Variants in BBOF1 observed in about 807,000 individuals in gnomAD.
The protein encoded by BBOF1 is basal body-orientation factor 1.
BBOF1 carries 62 observed loss-of-function variants against 68.0 expected under a neutral mutation model. The observed-to-expected ratio is 0.91, with a 90% CI of 0.74 to 1.13. The LOEUF (loss-of-function observed/expected upper bound fraction) is 1.13. BBOF1 is among the 50% of genes most tolerant of loss of function. The pLI is 0.00. For synonymous variants in BBOF1, 208 were observed against 198.8 expected (o/e 1.05, Z -0.39); for missense variants, 534 against 600.1 (o/e 0.89, Z 1.15).
chr14:74,072,091 C>T, intron 9 of BBOF1: 3 of 1,573,718 alleles, frequency 1.9e-6, no homozygotes, highest in Non-Finnish European at 2.6e-6. Flanking sequence ...GAGTCATGAT[C>T]AACGTCTCTG....
intron 5 of BBOF1, among the ~76,000 whole-genome samples, chr14:74,042,986 G>A (rs1324337814): frequency 6.6e-6 from 1 of 152,052 alleles, no homozygotes; most frequent in African/African-American, 2.4e-5. Context: ...GGGAATGAAT[G>A]TTGGTTTGGA....
chr14:74,020,596 T>C (rs1005396364), intron 1 of BBOF1, among the ~76,000 whole-genome samples: 6 of 152,106 alleles, frequency 3.9e-5, no homozygotes, highest in Admixed American at 1.3e-4. Flanking sequence ...CTCTGCCTTC[T>C]GGGTTCAACC....
In BBOF1 at chr14:74,050,208, C is replaced by T; in HGVS notation, c.1286+13C>T. The T allele has an allele frequency of 1.3e-6, 2 of 1,513,942 alleles. No homozygotes were observed. Among genetic ancestry groups the T allele is most frequent in the Non-Finnish European group, 8.8e-7 (1 of 1,133,118 alleles). 93.8% of individuals were successfully genotyped at this position (1,513,942 alleles called of 1,614,324 possible). On this transcript the variant is annotated intron_variant, in intron 8 of 11. Transcript: ENST00000394009. ...AGGCCGAAAAATGGTACTAGCAATA[C>T]TTTATTATTATCTTTTTGCTGCTAT...
intron 9 of BBOF1, chr14:74,071,420 G>T: frequency 1.2e-6 from 2 of 1,614,152 alleles, no homozygotes; most frequent in East Asian, 2.2e-5. Flanking sequence ...TAGGAATAAA[G>T]GTCCATGTCT....
downstream of BBOF1, among the ~76,000 whole-genome samples, chr14:74,069,424 T>G (rs1245358770): frequency 3.3e-5 from 5 of 151,950 alleles, no homozygotes; most frequent in Non-Finnish European, 5.9e-5. Context: ...TACTGGATTC[T>G]CATTGTGAAG....
rs552526852 is a variant in BBOF1, at chr14:74,024,351, G to A, written c.285+1207G>A. On this transcript the variant is annotated intron_variant, in intron 2 of 11. Transcript: ENST00000394009. ...TGCACCTGTAGTCCCAGCTACTCGG[G>A]AGGCTAAGGCGGGAGGATCACTTAA... Among the ~76,000 whole-genome samples, 76 of 152,256 alleles carry A rather than the reference G, an allele frequency of 5.0e-4. 1 individual carries two copies. The South Asian group carries it at 0.015, about 30-fold the overall frequency.
intron 8 of BBOF1, among the ~76,000 whole-genome samples, chr14:74,051,313 G>A (rs1454249767): frequency 1.3e-5 from 2 of 151,544 alleles, no homozygotes; most frequent in Non-Finnish European, 2.9e-5. Context: ...CAGCTACTCA[G>A]TAGGCACAAG....
intron 9 of BBOF1, 132 bp downstream of exon 9, chr14:74,055,817 C>G (rs559403036): frequency 3.4e-6 from 2 of 595,654 alleles, no homozygotes; most frequent in Non-Finnish European, 5.9e-6. Context: ...AAAGGCCCTA[C>G]TGCTTAACTA....
rs565633375 is a variant in BBOF1, at chr14:74,034,252, C to T, written c.495+81C>T. 6.6e-6 allele frequency: 6 copies of T among 904,868 alleles called. No homozygotes were observed. In the African/African-American group the frequency reaches 8.7e-5, roughly 13 times the overall value. The allele number at this position is 904,868 out of a possible 1,614,324, so 56.1% of individuals were successfully genotyped here. On this transcript the variant is annotated intron_variant, in intron 4 of 11. Coordinates refer to ENST00000394009, the MANE Select transcript of BBOF1 (RefSeq NM_025057.3). ...ACAGAAGCCTTCACAAACATTTACT[C>T]CTGTGAGACGGCAAAGAACTCTCTT... is the stretch of plus-strand genomic sequence containing the variant.
chr14:74,019,969 C>T (rs139605022), intron 1 of BBOF1, among the ~76,000 whole-genome samples: 56 of 152,182 alleles, frequency 3.7e-4, no homozygotes, highest in African/African-American at 1.2e-3. Flanking sequence ...TACGTGGTGT[C>T]CAGCAACAAC....
chr14:74,064,718 TCA>T lies in BBOF1; in HGVS notation c.*22_*23del, dbSNP rs768150214. The T allele has an allele frequency of 6.2e-7, 1 of 1,613,736 alleles. No individual in the cohort carries two copies. Among genetic ancestry groups the T allele is most frequent in the Non-Finnish European group, 8.5e-7 (1 of 1,179,724 alleles). ...CTTCTGAGAAGCACTGATTATGACCTCACAGATGCTGCTGGCAGTCCCTTCCT... is the reference window on the plus strand; with the variant it reads ...CTTCTGAGAAGCACTGATTATGACCTCAGATGCTGCTGGCAGTCCCTTCCT... On this transcript the variant is annotated 3_prime_UTR_variant, in exon 12 of 12. Coordinates refer to ENST00000394009, the MANE Select transcript of BBOF1 (RefSeq NM_025057.3).
chr14:74,029,552 C>G (rs2059515520), intron 3 of BBOF1, among the ~76,000 whole-genome samples: 3 of 151,848 alleles, frequency 2.0e-5, no homozygotes, highest in African/African-American at 7.3e-5. Context: ...CATGGTGGTG[C>G]ATGCTTATAA....
chr14:74,071,765 C>T, intron 9 of BBOF1: 1 of 1,455,916 alleles, frequency 6.9e-7, no homozygotes, highest in Non-Finnish European at 9.6e-7. Context: ...CCATTTTTCA[C>T]AAGTATTAAA....
downstream of BBOF1, chr14:74,070,997 G>A (rs2060541560): frequency 8.0e-6 from 5 of 627,118 alleles, no homozygotes; most frequent in South Asian, 1.8e-5. Context: ...TATACTGTAG[G>A]GCAACAAGCA....
intron 3 of BBOF1, among the ~76,000 whole-genome samples, chr14:74,030,758 A>C (rs890852186): frequency 6.6e-6 from 1 of 151,938 alleles, no homozygotes; most frequent in African/African-American, 2.4e-5. Context: ...TGGCCTCCCA[A>C]AGTGCTGAGA....
chr14:74,031,095 G>A (rs1241096934), intron 3 of BBOF1, among the ~76,000 whole-genome samples: 8 of 151,078 alleles, frequency 5.3e-5, no homozygotes, highest in Non-Finnish European at 7.4e-5. Context: ...AGTATGTAGA[G>A]ACATTCCCTT....
At chr14:74,044,306 A>G (rs1379855790) in intron 5 of BBOF1, among the ~76,000 whole-genome samples, 2 of 151,920 alleles carry the variant, frequency 1.3e-5, no homozygotes, top group Non-Finnish European at 1.5e-5. Flanking sequence ...TCTAGTTACT[A>G]TCTACCTTAT....
intron 4 of BBOF1, among the ~76,000 whole-genome samples, chr14:74,039,793 G>A (rs749184867): frequency 2.2e-4 from 33 of 151,990 alleles, no homozygotes; most frequent in Non-Finnish European, 3.7e-4. Context: ...TAATGAACAT[G>A]AACTTTTAAA....
At chr14:74,073,257 C>T (rs989810472) in intron 9 of BBOF1, among the ~76,000 whole-genome samples, 5 of 152,050 alleles carry the variant, frequency 3.3e-5, no homozygotes, top group Non-Finnish European at 7.4e-5. Flanking sequence ...GCACATGCTA[C>T]CATGCCCAGC....
Sources: gnomAD v4.1 joint callset for allele counts (sites outside exome capture counted in the v4.1 genomes callset) on GRCh38, gnomAD v4.1.1 for gene constraint, MANE v1.5 for transcripts, NCBI Gene and HGNC (gene_info 2026-07-23, HGNC 2026-07-21) for gene names.